ZNF277: variants seen among roughly 807,000 people sequenced by gnomAD.
The protein encoded by ZNF277 is zinc finger protein 277.
Under a neutral mutation model 60.7 loss-of-function variants are expected in ZNF277, and 55 were observed. The observed-to-expected ratio is 0.91, with a 90% CI of 0.73 to 1.13. The LOEUF is 1.13. ZNF277 is among the 50% of genes most tolerant of loss of function. The pLI, the probability that ZNF277 is intolerant of heterozygous loss-of-function variation, is 0.00. For missense variants in ZNF277, 510 were observed against 523.0 expected (o/e 0.98, Z 0.24); for synonymous variants, 178 against 179.3 (o/e 0.99, Z 0.06).
chr7:112,303,036 C>A (rs191206964), intron 4 of ZNF277, among the ~76,000 whole-genome samples: 2 of 151,504 alleles, frequency 1.3e-5, no homozygotes, highest in African/African-American at 4.8e-5. Flanking sequence ...GCAACCCCAC[C>A]TCCCAGATTC....
intron 1 of ZNF277, among the ~76,000 whole-genome samples, chr7:112,209,891 G>A (rs545387454): frequency 2.6e-5 from 4 of 152,006 alleles, no homozygotes; most frequent in Admixed American, 1.3e-4. Flanking sequence ...GCAAACTATC[G>A]CAAGGACAGA....
chr7:112,269,394 T>C (rs1791619041), intron 1 of ZNF277, among the ~76,000 whole-genome samples: 7 of 152,050 alleles, frequency 4.6e-5, no homozygotes, highest in Admixed American at 4.6e-4. Context: ...GTCTGGATTT[T>C]GGGGGGAATA....
intron 1 of ZNF277, among the ~76,000 whole-genome samples, chr7:112,282,222 A>G (rs1413148607): frequency 6.6e-6 from 1 of 152,252 alleles, no homozygotes. Flanking sequence ...TAATTACAAC[A>G]GAGATATTTG....
chr7:112,273,258 T>C (rs1364072177), intron 1 of ZNF277, among the ~76,000 whole-genome samples: 1 of 152,182 alleles, frequency 6.6e-6, no homozygotes, highest in Non-Finnish European at 1.5e-5. Flanking sequence ...CCCCTCTGAC[T>C]AGGGATGGTC....
intron 1 of ZNF277, among the ~76,000 whole-genome samples, chr7:112,271,540 T>C (rs1301592105): frequency 6.6e-6 from 1 of 152,206 alleles, no homozygotes; most frequent in East Asian, 1.9e-4. Context: ...TGCAGGAGCT[T>C]TAAAAGACTG....
chr7:112,318,806 A>G (rs1325725743), intron 5 of ZNF277, among the ~76,000 whole-genome samples: 1 of 152,082 alleles, frequency 6.6e-6, no homozygotes, highest in Non-Finnish European at 1.5e-5. Context: ...CACCAGCCAT[A>G]AACTCATATG....
intron 4 of ZNF277, among the ~76,000 whole-genome samples, chr7:112,315,077 T>C (rs964658516): frequency 2.0e-5 from 3 of 152,114 alleles, no homozygotes; most frequent in African/African-American, 7.2e-5. Flanking sequence ...AAGTCCTTCC[T>C]ATAAATCCAT....
intron 1 of ZNF277, among the ~76,000 whole-genome samples, chr7:112,220,054 A>G (rs1821985674): frequency 1.3e-5 from 2 of 152,208 alleles, no homozygotes; most frequent in African/African-American, 4.8e-5. Context: ...CTGTGGTTCC[A>G]TATGAATTTT....
At chr7:112,291,289 A>G (rs527409939) in intron 2 of ZNF277, among the ~76,000 whole-genome samples, 12 of 152,278 alleles carry the variant, frequency 7.9e-5, no homozygotes, top group South Asian at 6.2e-4. Context: ...CTTTATGACT[A>G]TGTCAATAAC....
intron 5 of ZNF277, among the ~76,000 whole-genome samples, chr7:112,326,311 C>T (rs1793091753): frequency 6.6e-6 from 1 of 152,026 alleles, no homozygotes; most frequent in Non-Finnish European, 1.5e-5. Context: ...CTGTACTTTA[C>T]CCCAACATGG....
At chr7:112,300,853 C>A (rs981582506) in intron 4 of ZNF277, among the ~76,000 whole-genome samples, 1 of 152,004 alleles carries the variant, frequency 6.6e-6, no homozygotes, top group Non-Finnish European at 1.5e-5. Context: ...TTAATTGATT[C>A]TTTTTTTCTC....
In ZNF277 at chr7:112,241,148, C is replaced by T. The variant is rs183276548; in HGVS notation, c.91+34341C>T. Reference sequence around the variant, plus strand: ...CAGAATATACAAGGAGTTCAAACAACTCTATTGGAAAAAAAAAAATCTAAT... The same window carrying T: ...CAGAATATACAAGGAGTTCAAACAATTCTATTGGAAAAAAAAAAATCTAAT... On this transcript the variant is annotated intron_variant, in intron 1 of 11. Coordinates refer to ENST00000361822, the MANE Select transcript of ZNF277 (RefSeq NM_021994.3). 2.8e-4 allele frequency among the ~76,000 whole-genome samples: 43 copies of T among 151,546 alleles called. 1 individual carries two copies. In the East Asian group the frequency reaches 5.6e-3, roughly 20 times the overall value.
At chr7:112,221,752 T>G (rs1363386626) in intron 1 of ZNF277, among the ~76,000 whole-genome samples, 1 of 152,124 alleles carries the variant, frequency 6.6e-6, no homozygotes, top group Non-Finnish European at 1.5e-5. Flanking sequence ...GACACTAATC[T>G]GACAGGAGGC....
chr7:112,330,001 A>C, intron 6 of ZNF277, 83 bp from the exon 7 acceptor site: 1 of 1,454,380 alleles, frequency 6.9e-7, no homozygotes, highest in East Asian at 2.3e-5. Context: ...AAAATGAATA[A>C]ATATGAAACT....
intron 1 of ZNF277, among the ~76,000 whole-genome samples, chr7:112,257,200 G>GT (rs1791334366): frequency 6.6e-6 from 1 of 152,202 alleles, no homozygotes; most frequent in Admixed American, 6.5e-5. Flanking sequence ...TATATTTTTG[G>GT]TTTTTGTTTC....
intron 2 of ZNF277, among the ~76,000 whole-genome samples, chr7:112,291,932 AT>A (rs373324233): frequency 2.0e-5 from 3 of 151,434 alleles, no homozygotes; most frequent in East Asian, 1.9e-4. Context: ...GTAACAGATG[AT>A]TTTTTTTTCT....
At chr7:112,258,438 A>G (rs1174826254) in intron 1 of ZNF277, among the ~76,000 whole-genome samples, 1 of 151,994 alleles carries the variant, frequency 6.6e-6, no homozygotes, top group African/African-American at 2.4e-5. Context: ...ATGCAAAGCC[A>G]TACAGTATTT....
chr7:112,290,991 C>T (rs977108002), intron 2 of ZNF277, among the ~76,000 whole-genome samples: 1 of 152,110 alleles, frequency 6.6e-6, no homozygotes, highest in South Asian at 2.1e-4. Flanking sequence ...AAGAGATGGA[C>T]TTACCTTGTG....
intron 4 of ZNF277, among the ~76,000 whole-genome samples, chr7:112,307,492 G>A (rs917958958): frequency 6.6e-6 from 1 of 151,454 alleles, no homozygotes; most frequent in Non-Finnish European, 1.5e-5. Flanking sequence ...TCGGCTCACT[G>A]CAGCCTCCGC....
Sources: allele counts gnomAD v4.1 joint callset (sites outside exome capture counted in the v4.1 genomes callset), GRCh38; gene constraint gnomAD v4.1.1; transcripts MANE v1.5; gene names NCBI Gene and HGNC (gene_info 2026-07-23, HGNC 2026-07-21).